Variants in PNPLA7 observed in about 807,000 individuals in gnomAD.
PNPLA7 encodes the protein patatin-like phospholipase domain-containing protein 7.
A neutral mutation model predicts 161.7 loss-of-function variants in PNPLA7; 153 were observed. The ratio of observed to expected loss-of-function variants is 0.95; its 90% CI spans 0.83 to 1.08. The LOEUF (loss-of-function observed/expected upper bound fraction) is 1.08, where lower values mean the gene tolerates loss of function less well. PNPLA7 is among the 50% of genes least tolerant of loss of function. The probability of loss-of-function intolerance (pLI) is 0.00; values close to 1 mark genes in which losing one functional copy is unlikely to be tolerated. For synonymous variants in PNPLA7, 809 were observed against 782.1 expected, an observed-to-expected ratio of 1.03 and a Z score of -0.57; for missense variants, 1,739 against 1,856.6, an observed-to-expected ratio of 0.94 and a Z score of 1.16.
chr9:137,503,744 G>A (rs1833664593), intron 14 of PNPLA7, among the ~76,000 whole-genome samples: 1 of 135,182 alleles, frequency 7.4e-6, no homozygotes, highest in Non-Finnish European at 1.6e-5. Context: ...GGGGAAGGAA[G>A]AAGAAGAAAG....
intron 25 of PNPLA7, among the ~76,000 whole-genome samples, chr9:137,472,058 C>T (rs1447027754): frequency 6.9e-6 from 1 of 144,224 alleles, no homozygotes; most frequent in Non-Finnish European, 1.5e-5. Context: ...TCCAGATGGG[C>T]TCACACCTGC....
chr9:137,486,777 G>T lies in PNPLA7; in HGVS notation c.2198-2041C>A, dbSNP rs570227919. Among the ~76,000 whole-genome samples the T allele has an allele frequency of 6.6e-6, 1 of 151,954 alleles. No homozygotes were observed. The highest frequency in any genetic ancestry group is 1.9e-4 in the East Asian group (1 of 5,164). On this transcript the variant is annotated intron_variant, in intron 20 of 34. Coordinates refer to ENST00000406427, the MANE Select transcript of PNPLA7 (RefSeq NM_001098537.3). The surrounding 1 kb of genome is among the most constrained non-coding windows in gnomAD (Gnocchi z 6.0). ...ACAGTGGCCGGAGCTGGCCTTCGAC[G>T]CCCAAGTCTGCCCGGAGCCTTTTTT...
In PNPLA7 at chr9:137,500,953, A is replaced by G. The variant is rs1833374713; in HGVS notation, c.1552-57T>C. The stretch of plus-strand genomic sequence containing the variant: ...GAGTGGCCGCGGGCAGGACGGGGGC[A>G]GCTCTGGGCCCAGAGCGGACGATGC... On this transcript the variant is annotated intron_variant, in intron 15 of 34. Transcript: ENST00000406427. The surrounding 1 kb of genome is among the most constrained non-coding windows in gnomAD (Gnocchi z 5.5). 39 of 1,487,066 alleles carry G rather than the reference A, an allele frequency of 2.6e-5. No homozygotes were observed. The highest frequency in any genetic ancestry group is 3.4e-5 in the Non-Finnish European group (38 of 1,107,408). The allele number at this position is 1,487,066 out of a possible 1,614,324, so 92.1% of individuals were successfully genotyped here.
chr9:137,541,358 C>T lies in PNPLA7; in HGVS notation c.667-636G>A. On this transcript the variant is annotated intron_variant, in intron 7 of 34. Coordinates refer to ENST00000406427, the MANE Select transcript of PNPLA7 (RefSeq NM_001098537.3). This position sits in a 1 kb window ranked among gnomAD's most constrained non-coding sequence, Gnocchi z 4.4. ...CCAGGAGCTACTGGCTCCAGCTTCC[C>T]CCAAGCCCCTTTCCCTTCTAATAAC... 1.1e-6 allele frequency: 1 copy of T among 946,070 alleles called. No individual in the cohort carries two copies. The highest frequency in any genetic ancestry group is 4.9e-5 in the South Asian group (1 of 20,504). 58.6% of individuals were successfully genotyped at this position (946,070 alleles called of 1,614,324 possible). A position where few individuals can be genotyped will look rare whatever the true frequency, so the allele number is the denominator to read the frequency against.
In PNPLA7 at chr9:137,461,593, T is replaced by C. The variant is rs752183813; in HGVS notation, c.3784A>G (p.Thr1262Ala). The C allele has an allele frequency of 4.3e-6, 7 of 1,612,654 alleles. No individual in the cohort carries two copies. ...CGAGACACAATTTCGGCAAGGTCCG[T>C]GAAGGAGGCGTTGGGACAGGTGAGG... ...AVLTCPNASF[T>A]DLAEIVSRIE... The change falls in exon 33 of 35, where the codon ACG (threonine) becomes GCG (alanine). Residue 1262 changes from threonine to alanine, a missense_variant. This residue lies in a region of PNPLA7 where 703 missense variants were observed against 694.6 expected (regional missense o/e 1.01). Transcript: ENST00000406427.
rs181580182 is a variant in PNPLA7, at chr9:137,545,419, G to A, written c.273+1411C>T. Among the ~76,000 whole-genome samples, 12 of 152,286 alleles carry A rather than the reference G, an allele frequency of 7.9e-5. No homozygotes were observed. The East Asian group carries it at 9.7e-4, about 12-fold the overall frequency. On this transcript the variant is annotated intron_variant, in intron 4 of 34. Coordinates refer to ENST00000406427, the MANE Select transcript of PNPLA7 (RefSeq NM_001098537.3). ...TCAGGAACCTCTGGCCGAGCGTGAG[G>A]CCCTCTGCACCCACTGGGCCCCAGT... is the stretch of plus-strand genomic sequence containing the variant.
rs200913584 is a variant in PNPLA7, at chr9:137,462,767, G to A, written c.3410C>T (p.Thr1137Met). The A allele has an allele frequency of 4.8e-5, 78 of 1,613,786 alleles. No individual in the cohort carries two copies. Among genetic ancestry groups the A allele is most frequent in the Admixed American group, 8.3e-5 (5 of 59,994 alleles). ...IAIDVGSRDE[T>M]DLTNYGDALS... ...CGCATCCCCATAGTTGGTGAGGTCC[G>A]TCTCATCTCGGCTGCCCACGTCAAT... Residue 1137 changes from threonine (T) to methionine (M), a missense_variant, in exon 30 of 35, where the codon ACG (threonine) becomes ATG (methionine). Transcript: ENST00000406427.
At chr9:137,485,832 G>A (rs1832451809) in intron 20 of PNPLA7, among the ~76,000 whole-genome samples, 1 of 152,212 alleles carries the variant, frequency 6.6e-6, no homozygotes, top group East Asian at 1.9e-4. Flanking sequence ...TGTGGGCTGA[G>A]GGGCCCCTCG....
At position 137,524,412 on chromosome 9, in the gene PNPLA7, G is replaced by T. The variant is rs1261717773; in HGVS notation, c.748-1555C>A. Among the ~76,000 whole-genome samples, 1 of 151,582 alleles carries T rather than the reference G, an allele frequency of 6.6e-6. No individual in the cohort carries two copies. Among genetic ancestry groups the T allele is most frequent in the Non-Finnish European group, 1.5e-5 (1 of 67,826 alleles). On this transcript the variant is annotated intron_variant, in intron 8 of 34. Coordinates refer to ENST00000406427, the MANE Select transcript of PNPLA7 (RefSeq NM_001098537.3). This position sits in a 1 kb window ranked among gnomAD's most constrained non-coding sequence, Gnocchi z 4.4. ...CCTGAGTGCTGGCTGCCTCATGGAG[G>T]CCTTGCAGTGTCTCCTCGTGAAGGC...
chr9:137,515,356 G>A (rs1482864387), intron 12 of PNPLA7, 23 bp downstream of exon 12: 1 of 1,593,150 alleles, frequency 6.3e-7, no homozygotes, highest in Non-Finnish European at 8.5e-7. Context: ...CACACTGGCT[G>A]GGCAGCCGTC....
intron 9 of PNPLA7, among the ~76,000 whole-genome samples, chr9:137,522,352 G>A (rs1290399601): frequency 1.3e-5 from 2 of 151,516 alleles, no homozygotes; most frequent in East Asian, 1.9e-4. Context: ...GGGGTTACAG[G>A]CGGGAGCCGC....
chr9:137,534,315 A>G (rs1211069038), intron 8 of PNPLA7, among the ~76,000 whole-genome samples: 7 of 150,046 alleles, frequency 4.7e-5, no homozygotes, highest in Admixed American at 4.6e-4. Context: ...GCTCCTCCCC[A>G]ACAGTGTCTA....
At position 137,501,703 on chromosome 9, in the gene PNPLA7, C is replaced by T. The variant is rs765015388; in HGVS notation, c.1498G>A (p.Val500Met). ...CCTGCAGGAACGTGCAGAAGCGCCA[C>T]CCGGCCATCCAACAGAGATGAGTCC... Reference protein sequence around the residue: ...LEDSSLLDGRVALLHVPAGTV... With the variant: ...LEDSSLLDGRMALLHVPAGTV... The change falls in exon 15 of 35, where the codon GTG becomes ATG. Residue 500 changes from valine to methionine, a missense_variant. Val to Met is a conservative substitution (Grantham distance 21, BLOSUM62 1). This residue lies in a region of PNPLA7 where 481 missense variants were observed against 450.0 expected (regional missense o/e 1.07). Transcript: ENST00000406427. 130 of 1,612,554 alleles carry T rather than the reference C, an allele frequency of 8.1e-5. No homozygotes were observed. The highest frequency in any genetic ancestry group is 9.9e-5 in the Non-Finnish European group (117 of 1,179,898).
intron 25 of PNPLA7, among the ~76,000 whole-genome samples, chr9:137,477,722 C>T (rs1334324248): frequency 6.6e-6 from 1 of 152,214 alleles, no homozygotes; most frequent in Non-Finnish European, 1.5e-5. Flanking sequence ...GGATTACAGG[C>T]GTGACCCACG....
At position 137,535,918 on chromosome 9, in the gene PNPLA7, C is replaced by T. The variant is rs575065089; in HGVS notation, c.747+4724G>A. Among the ~76,000 whole-genome samples, 215 of 151,860 alleles carry T rather than the reference C, an allele frequency of 1.4e-3. 1 individual carries two copies. The highest frequency in any genetic ancestry group is 3.6e-3 in the African/African-American group (149 of 41,424). On this transcript the variant is annotated intron_variant, in intron 8 of 34. Transcript: ENST00000406427. Reference sequence around the variant, plus strand: ...CTGTAATCCCACCACTTTGGGAGGCCGAGGCGGGCAGATCACGAGGTCAGG... The same window carrying T: ...CTGTAATCCCACCACTTTGGGAGGCTGAGGCGGGCAGATCACGAGGTCAGG...
chr9:137,510,908 C>T (rs974880576), intron 12 of PNPLA7, among the ~76,000 whole-genome samples: 1 of 152,174 alleles, frequency 6.6e-6, no homozygotes, highest in Non-Finnish European at 1.5e-5. Flanking sequence ...AAGTTATATT[C>T]GAAATAGGAT....
chr9:137,494,947 C>T, intron 19 of PNPLA7, 86 bp downstream of exon 19: 1 of 1,279,644 alleles, frequency 7.8e-7, no homozygotes, highest in South Asian at 1.3e-5. Context: ...GCTCTGTGCC[C>T]TCACCCGCTC....
At chr9:137,481,175 C>A in intron 21 of PNPLA7, 152 bp from the exon 22 acceptor site, 2 of 784,806 alleles carry the variant, frequency 2.5e-6, no homozygotes, top group Non-Finnish European at 4.3e-6. Flanking sequence ...AGTCCACTCC[C>A]CAACCCCAAG....
rs1416535837 is a variant in PNPLA7 at position 137,465,051 on chromosome 9, TG to T, written c.3040-596del. Among the ~76,000 whole-genome samples, 3 of 152,130 alleles carry T rather than the reference TG, an allele frequency of 2.0e-5. No individual in the cohort carries two copies. In the East Asian group the frequency reaches 5.8e-4, roughly 29 times the overall value. Reference sequence around the variant, plus strand: ...GAGACTGACCTCAAACTAGCCTCAATGCCCAGTGTGGATGGAGAGGAAGGGT... The same window carrying T: ...GAGACTGACCTCAAACTAGCCTCAATCCCAGTGTGGATGGAGAGGAAGGGT... On this transcript the variant is annotated intron_variant, in intron 26 of 34. Coordinates refer to ENST00000406427, the MANE Select transcript of PNPLA7 (RefSeq NM_001098537.3).
Sources: allele counts gnomAD v4.1 joint callset (sites outside exome capture counted in the v4.1 genomes callset), GRCh38; gene constraint gnomAD v4.1.1; regional missense constraint gnomAD v4.1.1; non-coding constraint Gnocchi (gnomAD v3.1); transcripts MANE v1.5; gene names NCBI Gene and HGNC (gene_info 2026-07-23, HGNC 2026-07-21).